Variants in PTPRD observed in about 807,000 individuals in gnomAD.
PTPRD encodes receptor-type tyrosine-protein phosphatase delta.
A neutral mutation model predicts 214.5 loss-of-function variants in PTPRD; 34 were observed. That is an observed-to-expected ratio of 0.16 (90% CI 0.12 to 0.21). The LOEUF (loss-of-function observed/expected upper bound fraction) is 0.21. PTPRD is among the 10% of genes least tolerant of loss of function. PTPRD has a pLI of 1.00. For missense variants in PTPRD, 2,545 were observed against 2,398.7 expected (o/e 1.06, Z -1.27); for synonymous variants, 1,128 against 845.7 (o/e 1.33, Z -5.79).
chr9:9,612,488 T>C (rs915178064), intron 7 of PTPRD, among the ~76,000 whole-genome samples: 1 of 152,124 alleles, frequency 6.6e-6, no homozygotes. Flanking sequence ...CAGGTGTGCA[T>C]ATAAAAACTC....
chr9:8,823,343 A>G (rs1213418215), intron 11 of PTPRD, among the ~76,000 whole-genome samples: 2 of 152,150 alleles, frequency 1.3e-5, no homozygotes, highest in African/African-American at 4.8e-5. Flanking sequence ...TTAACTCAAC[A>G]GCAATTGTAC....
intron 11 of PTPRD, among the ~76,000 whole-genome samples, chr9:8,990,922 A>G (rs2099363887): frequency 6.6e-6 from 1 of 151,936 alleles, no homozygotes; most frequent in African/African-American, 2.4e-5. Flanking sequence ...AAGCATAAAA[A>G]CGGATTGATA....
intron 9 of PTPRD, among the ~76,000 whole-genome samples, chr9:9,264,362 G>A (rs565983586): frequency 1.8e-4 from 28 of 151,636 alleles, no homozygotes; most frequent in African/African-American, 6.3e-4. Context: ...AACAAATTCT[G>A]GTGCTGAAGA....
chr9:8,445,437 G>A (rs1200735721), intron 34 of PTPRD, among the ~76,000 whole-genome samples: 2 of 152,142 alleles, frequency 1.3e-5, no homozygotes, highest in African/African-American at 4.8e-5. Flanking sequence ...GGGCTTCCCC[G>A]ACCTGTTCAG....
intron 5 of PTPRD, among the ~76,000 whole-genome samples, chr9:9,905,791 T>C (rs1045290430): frequency 2.0e-5 from 3 of 152,064 alleles, no homozygotes; most frequent in East Asian, 1.9e-4. Context: ...GACATTACTA[T>C]AGTCAGGAAA....
chr9:9,024,353 T>TTTG (rs61432047), intron 10 of PTPRD, among the ~76,000 whole-genome samples: 1 of 28,132 alleles, frequency 3.6e-5, no homozygotes, highest in South Asian at 1.2e-3. Flanking sequence ...TTTTTGTTTG[T>TTTG]TTTTTTTTTT....
intron 6 of PTPRD, among the ~76,000 whole-genome samples, chr9:9,740,878 A>T (rs1168599765): frequency 6.6e-6 from 1 of 152,206 alleles, no homozygotes; most frequent in African/African-American, 2.4e-5. Flanking sequence ...TACATATTCT[A>T]AACAGAGAAA....
chr9:8,673,612 T>C (rs2097334031), intron 12 of PTPRD, among the ~76,000 whole-genome samples: 1 of 152,196 alleles, frequency 6.6e-6, no homozygotes, highest in African/African-American at 2.4e-5. Flanking sequence ...CTCCTTAATG[T>C]ATCTCATTTA....
At chr9:8,447,433 C>G (rs775076957) in intron 34 of PTPRD, among the ~76,000 whole-genome samples, 9 of 152,126 alleles carry the variant, frequency 5.9e-5, no homozygotes, top group Admixed American at 2.6e-4. Context: ...TTAACAGATT[C>G]TCTCTATAAA....
chr9:8,661,262 C>T (rs1225737428), intron 12 of PTPRD, among the ~76,000 whole-genome samples: 3 of 152,050 alleles, frequency 2.0e-5, no homozygotes, highest in Admixed American at 6.6e-5. Flanking sequence ...GGAGAAATCG[C>T]CTCTTCATCA....
At chr9:10,522,814 T>C (rs2052793079) in intron 2 of PTPRD, among the ~76,000 whole-genome samples, 1 of 152,048 alleles carries the variant, frequency 6.6e-6, no homozygotes, top group Non-Finnish European at 1.5e-5. Context: ...AAAGCTGAAC[T>C]TTTAAAAAAG....
intron 9 of PTPRD, among the ~76,000 whole-genome samples, chr9:9,323,327 C>A (rs1967636153): frequency 6.6e-6 from 1 of 152,014 alleles, no homozygotes; most frequent in Non-Finnish European, 1.5e-5. Flanking sequence ...TTAATCAAAT[C>A]TTTTTTACTT....
intron 9 of PTPRD, among the ~76,000 whole-genome samples, chr9:9,321,225 C>A (rs1226555721): frequency 6.6e-6 from 1 of 152,132 alleles, no homozygotes; most frequent in African/African-American, 2.4e-5. Context: ...GCCCTAAAGA[C>A]ATTTAAAAGT....
At chr9:9,717,350 A>G (rs2097853353) in intron 7 of PTPRD, among the ~76,000 whole-genome samples, 1 of 152,148 alleles carries the variant, frequency 6.6e-6, no homozygotes, top group South Asian at 2.1e-4. Context: ...TTTTGGTTCC[A>G]TATGAACTTT....
At chr9:8,882,096 A>T (rs1426482377) in intron 11 of PTPRD, among the ~76,000 whole-genome samples, 1 of 152,184 alleles carries the variant, frequency 6.6e-6, no homozygotes, top group Non-Finnish European at 1.5e-5. Flanking sequence ...GTCTGGAAAA[A>T]GTGTGTTAGA....
intron 35 of PTPRD, among the ~76,000 whole-genome samples, chr9:8,426,611 G>T (rs1259876617): frequency 6.6e-6 from 1 of 152,100 alleles, no homozygotes; most frequent in Non-Finnish European, 1.5e-5. Flanking sequence ...ATTAGTTATA[G>T]AGAACTTGTA....
chr9:9,358,776 C>G (rs1400683648), intron 9 of PTPRD, among the ~76,000 whole-genome samples: 2 of 151,302 alleles, frequency 1.3e-5, no homozygotes, highest in Admixed American at 6.6e-5. Context: ...AATCCAACAC[C>G]TTTACATTCT....
chr9:9,188,796 G>C (rs2099933254), intron 9 of PTPRD, among the ~76,000 whole-genome samples: 1 of 139,250 alleles, frequency 7.2e-6, no homozygotes, highest in Non-Finnish European at 1.5e-5. Flanking sequence ...CAGAATTTTA[G>C]TGCAAAATAA....
chr9:9,400,319 C>T (rs1419766548), intron 8 of PTPRD, among the ~76,000 whole-genome samples: 1 of 151,840 alleles, frequency 6.6e-6, no homozygotes, highest in Non-Finnish European at 1.5e-5. Flanking sequence ...CTAAGATACT[C>T]TCCCCAGAGA....
Sources: gnomAD v4.1 joint callset for allele counts (sites outside exome capture counted in the v4.1 genomes callset) on GRCh38, gnomAD v4.1.1 for gene constraint, MANE v1.5 for transcripts, NCBI Gene and HGNC (gene_info 2026-07-23, HGNC 2026-07-21) for gene names.